Variants in SPR observed in about 807,000 individuals in gnomAD.
The protein encoded by SPR is Sepiapterin reductase (L-erythro-7,8-dihydrobiopterin forming).
A neutral mutation model predicts 16.0 loss-of-function variants in SPR; 12 were observed. The observed-to-expected ratio is 0.75, with a 90% CI of 0.48 to 1.22. SPR has a LOEUF of 1.22. SPR is among the 50% of genes most tolerant of loss of function. The pLI is 0.00. For synonymous variants in SPR, 177 were observed against 168.5 expected (o/e 1.05, Z -0.39); for missense variants, 324 against 344.4 (o/e 0.94, Z 0.47).
chr2:72,888,154 C>A (rs1670569760), intron 1 of SPR, among the ~76,000 whole-genome samples, 160 bp from the exon 2 acceptor site: 1 of 152,238 alleles, frequency 6.6e-6, no homozygotes, highest in African/African-American at 2.4e-5. Flanking sequence ...CCAGCTGTGT[C>A]TTTCCGCAGA....
In SPR at chr2:72,891,350, C is replaced by T. The variant is rs1170675019; in HGVS notation, c.599C>T (p.Pro200Leu). 2 of 1,614,170 alleles carry T rather than the reference C, an allele frequency of 1.2e-6. No individual in the cohort carries two copies. Among genetic ancestry groups the T allele is most frequent in the Non-Finnish European group, 1.7e-6 (2 of 1,180,036 alleles). The stretch of plus-strand genomic sequence containing the variant: ...TCGTCTCCTTTTCATCCTCTAGGTC[C>T]TCTGGACACAGACATGCAGCAGTTG... ...NVRVLNYAPG[P>L]LDTDMQQLAR... Residue 200 changes from proline to leucine, a missense_variant, in exon 3 of 3, where the codon CCT becomes CTT. Transcript: ENST00000234454.
chr2:72,887,683 G>C lies in SPR; in HGVS notation c.251G>C (p.Arg84Pro). 1 of 1,499,164 alleles carries C rather than the reference G, an allele frequency of 6.7e-7. No individual in the cohort carries two copies. Among genetic ancestry groups the C allele is most frequent in the African/African-American group, 1.4e-5 (1 of 69,496 alleles). 92.9% of individuals were successfully genotyped at this position (1,499,164 alleles called of 1,614,324 possible). The change falls in exon 1 of 3, where the codon CGC becomes CCC. Residue 84 changes from arginine (R) to proline (P), a missense_variant. Arg to Pro is a moderately radical substitution (Grantham distance 103). Coordinates refer to ENST00000234454, the MANE Select transcript of SPR (RefSeq NM_003124.5). ...TTGCAGCAGCTGCTCGGCGCCCTGCGCGAGCTCCCCCGGCCCAAGGGGCTG... is the reference window on the plus strand; with the variant it reads ...TTGCAGCAGCTGCTCGGCGCCCTGCCCGAGCTCCCCCGGCCCAAGGGGCTG... ...AGLQQLLGAL[R>P]ELPRPKGLQR...
At chr2:72,887,825 A>T (rs1192584701) in intron 1 of SPR, 89 bp downstream of exon 1, 1 of 1,302,538 alleles carries the variant, frequency 7.7e-7, no homozygotes, top group African/African-American at 1.5e-5. Flanking sequence ...TAGGGGTCAG[A>T]TAGGACGCCT....
intron 1 of SPR, 146 bp downstream of exon 1, chr2:72,887,882 CGA>C (rs1670565538): frequency 3.3e-6 from 3 of 910,800 alleles, no homozygotes; most frequent in Non-Finnish European, 4.7e-6. Context: ...CAAGTGGAGG[CGA>C]GGTGTACAGG....
At chr2:72,890,367 G>GCTGTTGC (rs1480196592) in intron 2 of SPR, among the ~76,000 whole-genome samples, 2 of 152,166 alleles carry the variant, frequency 1.3e-5, no homozygotes, top group Non-Finnish European at 2.9e-5. Flanking sequence ...TGTTGAGATG[G>GCTGTTGC]AGTCTCACTC....
In SPR at chr2:72,888,396, C is replaced by G. The variant is rs1306935881; in HGVS notation, c.387C>G (p.Thr129=). 1 of 1,614,124 alleles carries G rather than the reference C, an allele frequency of 6.2e-7. No homozygotes were observed. Residue 129 remains threonine (T), a synonymous_variant, in exon 2 of 3, where the codon ACC becomes ACG. Coordinates refer to ENST00000234454, the MANE Select transcript of SPR (RefSeq NM_003124.5). ...ACAACTACTGGGCACTGAACTTGAC[C>G]TCCATGCTCTGCCTGACTTCCAGCG... ...QVNNYWALNL[T]SMLCLTSSVL...
chr2:72,887,862 G>T, intron 1 of SPR, 126 bp downstream of exon 1: 1 of 1,068,886 alleles, frequency 9.4e-7, no homozygotes, highest in Non-Finnish European at 1.3e-6. Context: ...AGTTGTTCCA[G>T]CTTGAGTAGC....
chr2:72,891,605 C>G lies in SPR; in HGVS notation c.*68C>G. On this transcript the variant is annotated 3_prime_UTR_variant, in exon 3 of 3. Coordinates refer to ENST00000234454, the MANE Select transcript of SPR (RefSeq NM_003124.5). Reference sequence around the variant, plus strand: ...AGACATACCCCAGAGCCCTGTGGCTCCCCACACCCTGCCATAGGGGCAGTC... The same window carrying G: ...AGACATACCCCAGAGCCCTGTGGCTGCCCACACCCTGCCATAGGGGCAGTC... 6.4e-7 allele frequency: 1 copy of G among 1,564,532 alleles called. No individual in the cohort carries two copies. Among genetic ancestry groups the G allele is most frequent in the Non-Finnish European group, 8.8e-7 (1 of 1,140,730 alleles).
rs753543877 is a variant in SPR, at chr2:72,888,421, G to C, written c.412G>C (p.Val138Leu). 8.7e-6 allele frequency: 14 copies of C among 1,613,936 alleles called. No homozygotes were observed. The South Asian group carries it at 1.5e-4, about 18-fold the overall frequency. ...LTSMLCLTSSVLKAFPDSPGL... is the reference protein window; with the variant it reads ...LTSMLCLTSSLLKAFPDSPGL... ...CTCCATGCTCTGCCTGACTTCCAGC[G>C]TCCTGAAGGCCTTCCCGGACAGTCC... Residue 138 changes from valine (V) to leucine (L), a missense_variant, in exon 2 of 3, where the codon GTC (valine) becomes CTC (leucine). Transcript: ENST00000234454.
rs536423020 is a variant in SPR, at chr2:72,888,230, G to T, written c.305-84G>T. On this transcript the variant is annotated intron_variant, in intron 1 of 2. Coordinates refer to ENST00000234454, the MANE Select transcript of SPR (RefSeq NM_003124.5). ...TTCCTCCTCTAGGTCTGCATGGGAA[G>T]AGGATATCTGGAGGAACTTGGGAGG... 1.5e-5 allele frequency: 21 copies of T among 1,375,384 alleles called. No homozygotes were observed. In the African/African-American group the frequency reaches 2.7e-4, roughly 18 times the overall value. 85.2% of individuals were successfully genotyped at this position (1,375,384 alleles called of 1,614,324 possible). A position where few individuals can be genotyped will look rare whatever the true frequency, so the allele number is the denominator to read the frequency against.
Position 72,891,733 on chromosome 2 carries a change from C to T in SPR, c.*196C>T. On this transcript the variant is annotated 3_prime_UTR_variant, in exon 3 of 3. Coordinates refer to ENST00000234454, the MANE Select transcript of SPR (RefSeq NM_003124.5). ...CCTTACCAGTTGTCAGGAGTCTGTGCTGTGCACCCTGGGTTATAAGGAGGC... is the reference window on the plus strand; with the variant it reads ...CCTTACCAGTTGTCAGGAGTCTGTGTTGTGCACCCTGGGTTATAAGGAGGC... 1.5e-6 allele frequency: 1 copy of T among 657,430 alleles called. No homozygotes were observed. Among genetic ancestry groups the T allele is most frequent in the Non-Finnish European group, 2.7e-6 (1 of 374,642 alleles). 40.7% of individuals were successfully genotyped at this position (657,430 alleles called of 1,614,324 possible).
intron 2 of SPR, among the ~76,000 whole-genome samples, chr2:72,889,424 CTGTGTCCCTGGGGAAT>C (rs1670588593): frequency 6.6e-6 from 1 of 152,148 alleles, no homozygotes; most frequent in Non-Finnish European, 1.5e-5. Context: ...ATCCAGTAGC[CTGTGTCCCTGGGGAAT>C]AGGGTCAGGC....
chr2:72,887,451 C>G lies in SPR; in HGVS notation c.19C>G (p.Arg7Gly). 1 of 1,504,512 alleles carries G rather than the reference C, an allele frequency of 6.6e-7. No homozygotes were observed. The highest frequency in any genetic ancestry group is 8.8e-7 in the Non-Finnish European group (1 of 1,132,660). The allele number at this position is 1,504,512 out of a possible 1,614,324, so 93.2% of individuals were successfully genotyped here. A position where few individuals can be genotyped will look rare whatever the true frequency, so the allele number is the denominator to read the frequency against. Reference sequence around the variant, plus strand: ...CAGGAGCATGGAGGGCGGGCTGGGGCGTGCTGTGTGCTTGCTGACCGGGGC... The same window carrying G: ...CAGGAGCATGGAGGGCGGGCTGGGGGGTGCTGTGTGCTTGCTGACCGGGGC... MEGGLG[R>G]AVCLLTGASR... The change falls in exon 1 of 3, where the codon CGT becomes GGT. Residue 7 changes from arginine to glycine, a missense_variant. Transcript: ENST00000234454.
In SPR at chr2:72,887,580, C is replaced by T; in HGVS notation, c.148C>T (p.Leu50=). The part of the protein sequence containing the change: ...SARNDEALRQ[L]EAELGAERSG... Reference sequence around the variant, plus strand: ...CCGCAACGACGAGGCACTGCGCCAGCTGGAGGCCGAGCTGGGCGCCGAGCG... The same window carrying T: ...CCGCAACGACGAGGCACTGCGCCAGTTGGAGGCCGAGCTGGGCGCCGAGCG... Residue 50 remains leucine, a synonymous_variant, in exon 1 of 3, where the codon CTG becomes TTG. Transcript: ENST00000234454. 1 of 1,418,532 alleles carries T rather than the reference C, an allele frequency of 7.0e-7. No individual in the cohort carries two copies. The highest frequency in any genetic ancestry group is 9.1e-7 in the Non-Finnish European group (1 of 1,095,896). 87.9% of individuals were successfully genotyped at this position (1,418,532 alleles called of 1,614,324 possible).
intron 2 of SPR, among the ~76,000 whole-genome samples, chr2:72,889,545 T>C (rs866667276): frequency 4.0e-5 from 6 of 151,832 alleles, no homozygotes; most frequent in Non-Finnish European, 7.4e-5. Context: ...TGTTCTCCAG[T>C]ACCCCAGCCC....
In SPR at chr2:72,891,645, G is replaced by A. The variant is rs372751802; in HGVS notation, c.*108G>A. The A allele has an allele frequency of 2.4e-4, 310 of 1,317,964 alleles. No individual in the cohort carries two copies. Among genetic ancestry groups the A allele is most frequent in the African/African-American group, 1.9e-3 (132 of 69,082 alleles). The allele number at this position is 1,317,964 out of a possible 1,614,324, so 81.6% of individuals were successfully genotyped here. A position where few individuals can be genotyped will look rare whatever the true frequency, so the allele number is the denominator to read the frequency against. On this transcript the variant is annotated 3_prime_UTR_variant, in exon 3 of 3. Coordinates refer to ENST00000234454, the MANE Select transcript of SPR (RefSeq NM_003124.5). Reference sequence around the variant, plus strand: ...TAGGGGCAGTCCTGCCTTACACATAGAAGCATTCATGCCTGCTGCCCTGCC... The same window carrying A: ...TAGGGGCAGTCCTGCCTTACACATAAAAGCATTCATGCCTGCTGCCCTGCC...
At position 72,891,831 on chromosome 2, in the gene SPR, A is replaced by G. The variant is rs1211912702; in HGVS notation, c.*294A>G. The G allele has an allele frequency of 1.1e-5, 5 of 457,406 alleles. No homozygotes were observed. The highest frequency in any genetic ancestry group is 4.2e-5 in the East Asian group (1 of 23,984). The allele number at this position is 457,406 out of a possible 1,614,324, so 28.3% of individuals were successfully genotyped here. On this transcript the variant is annotated 3_prime_UTR_variant, in exon 3 of 3. Transcript: ENST00000234454. The stretch of plus-strand genomic sequence containing the variant: ...ACTTAAGGGGTGGGAAGAACAGGAA[A>G]AGAAGCTGGAACACAGAAGAGAGGA...
rs745853022 is a variant in SPR, at chr2:72,891,418, C to T, written c.667C>T (p.Gln223Ter). Residue 223 changes from glutamine (Q) to a stop codon, truncating the protein, a stop_gained, in exon 3 of 3, where the codon CAG (glutamine) becomes TAG (stop). Transcript: ENST00000234454. LOFTEE classifies it high-confidence loss of function. ...GGACCCAGACATGCGAAAAGGGCTGCAGGAGCTGAAGGCAAAGGGGAAGCT... is the reference window on the plus strand; with the variant it reads ...GGACCCAGACATGCGAAAAGGGCTGTAGGAGCTGAAGGCAAAGGGGAAGCT... ...SVDPDMRKGLQELKAKGKLVD... is the reference protein window; with the variant it reads ...SVDPDMRKGL 20 of 1,614,104 alleles carry T rather than the reference C, an allele frequency of 1.2e-5. No individual in the cohort carries two copies. Among genetic ancestry groups the T allele is most frequent in the Non-Finnish European group, 1.4e-5 (17 of 1,180,040 alleles).
Position 72,887,580 on chromosome 2 carries a change from C to A in SPR, c.148C>A (p.Leu50Met). 1 of 1,418,532 alleles carries A rather than the reference C, an allele frequency of 7.0e-7. No individual in the cohort carries two copies. The highest frequency in any genetic ancestry group is 9.1e-7 in the Non-Finnish European group (1 of 1,095,896). 87.9% of individuals were successfully genotyped at this position (1,418,532 alleles called of 1,614,324 possible). Residue 50 changes from leucine to methionine, a missense_variant, in exon 1 of 3, where the codon CTG (leucine) becomes ATG (methionine). Transcript: ENST00000234454. ...CCGCAACGACGAGGCACTGCGCCAG[C>A]TGGAGGCCGAGCTGGGCGCCGAGCG... ...SARNDEALRQ[L>M]EAELGAERSG...
Sources: gnomAD v4.1 joint callset for allele counts (sites outside exome capture counted in the v4.1 genomes callset) on GRCh38, gnomAD v4.1.1 for gene constraint, MANE v1.5 for transcripts, NCBI Gene and HGNC (gene_info 2026-07-23, HGNC 2026-07-21) for gene names.